The following MYO1E variants were observed in gnomAD, a reference collection of about 807,000 sequenced individuals.
The protein encoded by MYO1E is unconventional myosin-Ie.
MYO1E carries 68 observed loss-of-function variants against 151.1 expected under a neutral mutation model. The ratio of observed to expected loss-of-function variants is 0.45; its 90% confidence interval spans 0.37 to 0.55. The LOEUF (loss-of-function observed/expected upper bound fraction) is 0.55. Among genes scored for constraint, MYO1E ranks in the 20% least tolerant of loss-of-function variants. MYO1E has a pLI of 0.00. For synonymous variants in MYO1E, 601 were observed against 501.7 expected (o/e 1.20, Z -2.64); for missense variants, 1,363 against 1,389.3 (o/e 0.98, Z 0.30).
chr15:59,351,092 G>C (rs867627262), intron 1 of MYO1E, among the ~76,000 whole-genome samples: 4 of 152,262 alleles, frequency 2.6e-5, no homozygotes, highest in African/African-American at 9.6e-5. Context: ...GTAGACACAG[G>C]GTTTCACCGT....
chr15:59,280,083 C>G (rs1205570596), intron 1 of MYO1E, among the ~76,000 whole-genome samples: 1 of 152,150 alleles, frequency 6.6e-6, no homozygotes, highest in Non-Finnish European at 1.5e-5. Flanking sequence ...TTCATGTCAA[C>G]TCAGTCTCCA....
chr15:59,217,695 T>G (rs1257931996), intron 10 of MYO1E, among the ~76,000 whole-genome samples, 196 bp downstream of exon 10: 1 of 151,280 alleles, frequency 6.6e-6, no homozygotes, highest in Non-Finnish European at 1.5e-5. Flanking sequence ...CCTGGCTAAT[T>G]TTTGTGTTTT....
At chr15:59,206,909 A>G in intron 14 of MYO1E, 2 of 1,587,132 alleles carry the variant, frequency 1.3e-6, no homozygotes, top group South Asian at 1.1e-5. Context: ...GCTTTTTTCC[A>G]TTCTCTCTCT....
At position 59,137,122 on chromosome 15, in the gene MYO1E, A is replaced by G. The variant is rs2079377988; in HGVS notation, c.*258T>C. 1.9e-6 allele frequency: 1 copy of G among 522,224 alleles called. No homozygotes were observed. Among genetic ancestry groups the G allele is most frequent in the South Asian group, 2.1e-5 (1 of 48,562 alleles). The allele number at this position is 522,224 out of a possible 1,614,324, so 32.3% of individuals were successfully genotyped here. A position where few individuals can be genotyped will look rare whatever the true frequency, so the allele number is the denominator to read the frequency against. ...TGTCCTCTCACCAGGTTTAAATACA[A>G]TAAATAAATCTTAATGCATGGTGGT... is the stretch of plus-strand genomic sequence containing the variant. On this transcript the variant is annotated 3_prime_UTR_variant, in exon 28 of 28. Coordinates refer to ENST00000288235, the MANE Select transcript of MYO1E (RefSeq NM_004998.4).
chr15:59,361,520 T>A (rs1181970675), intron 1 of MYO1E, among the ~76,000 whole-genome samples: 1 of 152,154 alleles, frequency 6.6e-6, no homozygotes, highest in African/African-American at 2.4e-5. Flanking sequence ...TTCAAGACAA[T>A]GTTAGTTGTA....
intron 1 of MYO1E, among the ~76,000 whole-genome samples, chr15:59,342,180 T>G (rs2140429737): frequency 6.6e-6 from 1 of 152,372 alleles, no homozygotes; most frequent in East Asian, 1.9e-4. Context: ...TGTCTTCTTT[T>G]GAGAAATGTC....
chr15:59,183,299 C>CA (rs779761694), intron 18 of MYO1E, among the ~76,000 whole-genome samples: 7 of 150,210 alleles, frequency 4.7e-5, no homozygotes, highest in Non-Finnish European at 8.9e-5. Flanking sequence ...ACTGGTTTCT[C>CA]AAAAAACAAA....
intron 9 of MYO1E, among the ~76,000 whole-genome samples, chr15:59,221,665 CAGGGA>C: frequency 6.6e-6 from 1 of 152,174 alleles, no homozygotes; most frequent in Non-Finnish European, 1.5e-5. Context: ...CGCCTCTAGT[CAGGGA>C]ATTTCATGGG....
At chr15:59,287,264 C>T (rs911344206) in intron 1 of MYO1E, among the ~76,000 whole-genome samples, 1 of 152,184 alleles carries the variant, frequency 6.6e-6, no homozygotes. Flanking sequence ...TCGGAACCCA[C>T]ACCCAAATCG....
intron 4 of MYO1E, among the ~76,000 whole-genome samples, chr15:59,239,252 T>C (rs1185343257): frequency 1.3e-5 from 2 of 150,344 alleles, no homozygotes; most frequent in Non-Finnish European, 3.0e-5. Context: ...AATTTGTGTA[T>C]TTCAGATTTT....
At chr15:59,342,050 T>A (rs931060884) in intron 1 of MYO1E, among the ~76,000 whole-genome samples, 7 of 152,206 alleles carry the variant, frequency 4.6e-5, no homozygotes, top group Non-Finnish European at 1.0e-4. Flanking sequence ...TTATTGCCCG[T>A]CTTCTGGATA....
At chr15:59,265,911 G>T (rs763068449) in intron 2 of MYO1E, among the ~76,000 whole-genome samples, 1 of 150,958 alleles carries the variant, frequency 6.6e-6, no homozygotes, top group South Asian at 2.1e-4. Context: ...AGGCTGCAGC[G>T]AACTGTGATC....
chr15:59,153,763 G>A lies in MYO1E; in HGVS notation c.2907C>T (p.Asn969=). ...PGYHQNGVIR[N]QYVPYPHAPG... is the part of the protein sequence containing the mutation. ...GAGCATGGGGATATGGCACATACTG[G>A]TTTCTGATGACTCCGTTCTGATGGT... The change falls in exon 26 of 28, where the codon AAC becomes AAT. Residue 969 remains asparagine (N), a synonymous_variant. Transcript: ENST00000288235. 1.2e-6 allele frequency: 2 copies of A among 1,613,982 alleles called. No homozygotes were observed. Among genetic ancestry groups the A allele is most frequent in the East Asian group, 2.2e-5 (1 of 44,886 alleles).
At chr15:59,353,757 C>CA (rs11366940) in intron 1 of MYO1E, among the ~76,000 whole-genome samples, 1,364 of 129,854 alleles carry the variant, frequency 0.011, 22 homozygotes, top group African/African-American at 0.038. Flanking sequence ...AACTCCGTCT[C>CA]AAAAAAAAAA....
chr15:59,313,575 T>C (rs2080566499), intron 1 of MYO1E, among the ~76,000 whole-genome samples: 1 of 142,702 alleles, frequency 7.0e-6, no homozygotes. Flanking sequence ...TATGCTCACA[T>C]CCTAGAGATG....
intron 2 of MYO1E, among the ~76,000 whole-genome samples, chr15:59,269,918 G>A (rs905017599): frequency 2.3e-4 from 35 of 151,462 alleles, no homozygotes; most frequent in African/African-American, 8.0e-4. Context: ...TTTCTGCAAA[G>A]GGCCAGAAAG....
rs546556996 is a variant in MYO1E, at chr15:59,372,595, C to T, written c.-95G>A. Reference sequence around the variant, plus strand: ...TCTGGGCGAACTTCAAAAGTTGGTTCCCCTCGCCAAAAACAGGCTCCCGAC... The same window carrying T: ...TCTGGGCGAACTTCAAAAGTTGGTTTCCCTCGCCAAAAACAGGCTCCCGAC... On this transcript the variant is annotated 5_prime_UTR_variant, in exon 1 of 28. Coordinates refer to ENST00000288235, the MANE Select transcript of MYO1E (RefSeq NM_004998.4). 4.1e-6 allele frequency: 6 copies of T among 1,476,494 alleles called. No homozygotes were observed. Among genetic ancestry groups the T allele is most frequent in the East Asian group, 2.5e-5 (1 of 39,290 alleles). 91.5% of individuals were successfully genotyped at this position (1,476,494 alleles called of 1,614,324 possible).
At chr15:59,248,127 CAAAAAAAAAAAAAAAA>C (rs138467126) in intron 4 of MYO1E, among the ~76,000 whole-genome samples, 1 of 35,890 alleles carries the variant, frequency 2.8e-5, no homozygotes, top group Non-Finnish European at 4.9e-5. Context: ...GACTCCGTCT[CAAAAAAAAAAAAAAAA>C]AAAAAAAAAA....
At chr15:59,255,157 C>T (rs1182163786) in intron 4 of MYO1E, among the ~76,000 whole-genome samples, 1 of 151,994 alleles carries the variant, frequency 6.6e-6, no homozygotes, top group Non-Finnish European at 1.5e-5. Context: ...CTCTGTTACC[C>T]AGGCTGGAAT....
Sources: allele counts gnomAD v4.1 joint callset (sites outside exome capture counted in the v4.1 genomes callset), GRCh38; gene constraint gnomAD v4.1.1; transcripts MANE v1.5; gene names NCBI Gene and HGNC (gene_info 2026-07-23, HGNC 2026-07-21).